COL11A2: variants seen among roughly 807,000 people sequenced by gnomAD.
COL11A2 encodes collagen type XI alpha 2 chain, also known as collagen alpha-2(XI) chain.
Under a neutral mutation model 273.4 loss-of-function variants are expected in COL11A2, and 116 were observed. The ratio of observed to expected loss-of-function variants is 0.42; its 90% CI spans 0.36 to 0.49. The LOEUF (loss-of-function observed/expected upper bound fraction) is 0.49, where lower values mean the gene tolerates loss of function less well. COL11A2 is among the 20% of genes least tolerant of loss of function. COL11A2 has a pLI of 0.00. For missense variants in COL11A2, 1,866 were observed against 2,309.0 expected, an observed-to-expected ratio of 0.81 and a Z score of 3.93; for synonymous variants, 782 against 864.2, an observed-to-expected ratio of 0.90 and a Z score of 1.67.
chr6:33,168,662 T>C (rs374826987), intron 53 of COL11A2, 44 bp downstream of exon 53: 4 of 1,593,336 alleles, frequency 2.5e-6, no homozygotes, highest in African/African-American at 2.7e-5. Context: ...GTAAAGAGGA[T>C]GAGGCTTGGG....
intron 7 of COL11A2, 48 bp from the exon 8 acceptor site, chr6:33,184,372 G>A (rs1036628711): frequency 2.2e-5 from 28 of 1,295,282 alleles, no homozygotes; most frequent in Non-Finnish European, 2.9e-5. Context: ...TGTTAGGGCT[G>A]AGAGGAGGCT....
Position 33,178,513 on chromosome 6 carries a change from A to G in COL11A2, c.1720-25T>C. 1 of 1,612,796 alleles carries G rather than the reference A, an allele frequency of 6.2e-7. No homozygotes were observed. The highest frequency in any genetic ancestry group is 8.5e-7 in the Non-Finnish European group (1 of 1,179,884). On this transcript the variant is annotated intron_variant, in intron 18 of 65. Coordinates refer to ENST00000341947, the MANE Select transcript of COL11A2 (RefSeq NM_080680.3). This position sits in a 1 kb window ranked among gnomAD's most constrained non-coding sequence, Gnocchi z 4.6. Reference sequence around the variant, plus strand: ...CCTGCAAAATGGGGGAACTCATAAGAGGGGCTTCAGAGCCCCCAACACAGG... The same window carrying G: ...CCTGCAAAATGGGGGAACTCATAAGGGGGGCTTCAGAGCCCCCAACACAGG...
Position 33,166,396 on chromosome 6 carries a change from G to C in COL11A2, c.4392+117C>G. The C allele has an allele frequency of 7.4e-7, 1 of 1,346,750 alleles. No individual in the cohort carries two copies. The highest frequency in any genetic ancestry group is 1.0e-6 in the Non-Finnish European group (1 of 969,632). The allele number at this position is 1,346,750 out of a possible 1,614,324, so 83.4% of individuals were successfully genotyped here. A position where few individuals can be genotyped will look rare whatever the true frequency, so the allele number is the denominator to read the frequency against. On this transcript the variant is annotated intron_variant, in intron 60 of 65. Transcript: ENST00000341947. This position sits in a 1 kb window ranked among gnomAD's most constrained non-coding sequence, Gnocchi z 4.8. ...GGTACTGGTGGTGACAGGACAAATG[G>C]GGGACCCTGAGGACTATGCTTGTTA...
In COL11A2 at chr6:33,179,662, C is replaced by A; in HGVS notation, c.1446+57G>T. The stretch of plus-strand genomic sequence containing the variant: ...CTCCCCTGCCGCACACTCACTCCAG[C>A]CAACCCTTCCAGTGCCCCCCAGAGC... On this transcript the variant is annotated intron_variant, in intron 13 of 65. Transcript: ENST00000341947. The surrounding 1 kb of genome is among the most constrained non-coding windows in gnomAD (Gnocchi z 6.4). 6.3e-7 allele frequency: 1 copy of A among 1,595,756 alleles called. No individual in the cohort carries two copies. The highest frequency in any genetic ancestry group is 8.6e-7 in the Non-Finnish European group (1 of 1,169,544).
intron 1 of COL11A2, among the ~76,000 whole-genome samples, 193 bp downstream of exon 1, chr6:33,191,966 C>G (rs1773167064): frequency 6.6e-6 from 1 of 152,228 alleles, no homozygotes; most frequent in Non-Finnish European, 1.5e-5. Context: ...CCCCCAGTCA[C>G]TTCAAGGACA....
chr6:33,168,092 G>A lies in COL11A2; in HGVS notation c.3961-240C>T, dbSNP rs572101364. ...TTGCCCACACCCTACCTGGTGGCCC[G>A]TCTCCTGCCCCAGAAACTAAAAAGG... On this transcript the variant is annotated intron_variant, in intron 54 of 65. Transcript: ENST00000341947. 3.3e-5 allele frequency among the ~76,000 whole-genome samples: 5 copies of A among 152,140 alleles called. No homozygotes were observed. In the East Asian group the frequency reaches 9.6e-4, roughly 29 times the overall value.
In COL11A2 at chr6:33,188,440, G is replaced by T. The variant is rs1307045780; in HGVS notation, c.528C>A (p.Pro176=). ...DCKKRVTRPL[P]RSARPVLDTH... ...TGTCCAATACTGGACGAGCACTTCG[G>T]GGGAGAGGCCGGGTGACTCGCTTCT... The change falls in exon 4 of 66, where the codon CCC becomes CCA. Residue 176 remains proline (P), a synonymous_variant. Transcript: ENST00000341947. 1.2e-6 allele frequency: 2 copies of T among 1,612,912 alleles called. No individual in the cohort carries two copies. Among genetic ancestry groups the T allele is most frequent in the African/African-American group, 2.7e-5 (2 of 74,896 alleles).
At position 33,176,202 on chromosome 6, in the gene COL11A2, G is replaced by T; in HGVS notation, c.2214+57C>A. Reference sequence around the variant, plus strand: ...TGCGGGGCAGGCTGGAGGGAAGGCAGTGAAGAGAGGAGATGGCAGGACTGA... The same window carrying T: ...TGCGGGGCAGGCTGGAGGGAAGGCATTGAAGAGAGGAGATGGCAGGACTGA... On this transcript the variant is annotated intron_variant, in intron 28 of 65. Transcript: ENST00000341947. The surrounding 1 kb of genome is among the most constrained non-coding windows in gnomAD (Gnocchi z 4.9). The T allele has an allele frequency of 6.2e-7, 1 of 1,606,412 alleles. No individual in the cohort carries two copies. Among genetic ancestry groups the T allele is most frequent in the Non-Finnish European group, 8.5e-7 (1 of 1,174,922 alleles).
Position 33,170,694 on chromosome 6 carries a change from C to A in COL11A2, c.3475-84G>T, listed in dbSNP as rs757260635. ...GGCAGATAGGCCCCACAGTCCCCTC[C>A]CCTCAGACTCCGCAGGCCCTCCAGT... On this transcript the variant is annotated intron_variant, in intron 46 of 65. Transcript: ENST00000341947. This position sits in a 1 kb window ranked among gnomAD's most constrained non-coding sequence, Gnocchi z 4.3. The A allele has an allele frequency of 6.3e-7, 1 of 1,577,240 alleles. No individual in the cohort carries two copies. Among genetic ancestry groups the A allele is most frequent in the Non-Finnish European group, 8.7e-7 (1 of 1,154,878 alleles).
chr6:33,192,081 G>C (rs1773185656), intron 1 of COL11A2, 78 bp downstream of exon 1: 4 of 1,329,608 alleles, frequency 3.0e-6, no homozygotes, highest in Non-Finnish European at 4.2e-6. Context: ...GCTGCCCCAG[G>C]CATCAGCTGG....
intron 8 of COL11A2, 96 bp downstream of exon 8, chr6:33,184,049 G>T: frequency 9.1e-7 from 1 of 1,099,548 alleles, no homozygotes; most frequent in Non-Finnish European, 1.3e-6. Context: ...ATGGGAAATA[G>T]CTCACAGCCA....
In COL11A2 at chr6:33,189,428, A is replaced by G; in HGVS notation, c.124T>C (p.Ser42Pro). The G allele has an allele frequency of 6.2e-7, 1 of 1,613,086 alleles. No homozygotes were observed. The highest frequency in any genetic ancestry group is 8.5e-7 in the Non-Finnish European group (1 of 1,180,014). Residue 42 changes from serine (S) to proline (P), a missense_variant, in exon 2 of 66, where the codon TCC becomes CCC. Coordinates refer to ENST00000341947, the MANE Select transcript of COL11A2 (RefSeq NM_080680.3). This position sits in a 1 kb window ranked among gnomAD's most constrained non-coding sequence, Gnocchi z 5.6. ...GCTCTCCGGACACCATCAGGGAGGGAGGGGAACCTCAGGGCCCGGAGCACA... is the reference window on the plus strand; with the variant it reads ...GCTCTCCGGACACCATCAGGGAGGGGGGGGAACCTCAGGGCCCGGAGCACA... ...VDVLRALRFP[S>P]LPDGVRRAKG...
At chr6:33,171,013 GC>G (rs1769968028) in intron 45 of COL11A2, 96 bp from the exon 46 acceptor site, 3 of 1,577,738 alleles carry the variant, frequency 1.9e-6, no homozygotes. Context: ...TGGGTGCCAG[GC>G]CCAGAGCCCC....
chr6:33,178,381 T>C lies in COL11A2; in HGVS notation c.1774-29A>G. On this transcript the variant is annotated intron_variant, in intron 19 of 65. Coordinates refer to ENST00000341947, the MANE Select transcript of COL11A2 (RefSeq NM_080680.3). This position sits in a 1 kb window ranked among gnomAD's most constrained non-coding sequence, Gnocchi z 4.6. ...GAGGAGGAGGACACGGTAAAGCTGC[T>C]GTGCCTTCTAGACCTCCCCTGCACC... is the stretch of plus-strand genomic sequence containing the variant. The C allele has an allele frequency of 6.2e-7, 1 of 1,612,844 alleles. No individual in the cohort carries two copies. Among genetic ancestry groups the C allele is most frequent in the Middle Eastern group, 1.6e-4 (1 of 6,062 alleles).
Position 33,177,256 on chromosome 6 carries a change from C to T in COL11A2, c.1972-31G>A, listed in dbSNP as rs777111691. On this transcript the variant is annotated intron_variant, in intron 23 of 65. Transcript: ENST00000341947. This position sits in a 1 kb window ranked among gnomAD's most constrained non-coding sequence, Gnocchi z 5.9. ...TACAGGGAAAGAGAAGTCACAGGGG[C>T]CTCCCAGGGTCTCTTCTATCCAGCC... The T allele has an allele frequency of 7.4e-6, 12 of 1,612,702 alleles. No homozygotes were observed. The highest frequency in any genetic ancestry group is 8.5e-7 in the Non-Finnish European group (1 of 1,179,882).
At position 33,176,173 on chromosome 6, in the gene COL11A2, G is replaced by C; in HGVS notation, c.2214+86C>G. The C allele has an allele frequency of 6.2e-7, 1 of 1,600,990 alleles. No individual in the cohort carries two copies. Among genetic ancestry groups the C allele is most frequent in the Non-Finnish European group, 8.6e-7 (1 of 1,169,220 alleles). On this transcript the variant is annotated intron_variant, in intron 28 of 65. Transcript: ENST00000341947. The surrounding 1 kb of genome is among the most constrained non-coding windows in gnomAD (Gnocchi z 4.9). ...GAAGCAGGGGCTCGGGAGCTGGACG[G>C]CAGTGCGGGGCAGGCTGGAGGGAAG...
Position 33,190,371 on chromosome 6 carries a change from G to A in COL11A2, c.83-902C>T, listed in dbSNP as rs955400073. On this transcript the variant is annotated intron_variant, in intron 1 of 65. Coordinates refer to ENST00000341947, the MANE Select transcript of COL11A2 (RefSeq NM_080680.3). The surrounding 1 kb of genome is among the most constrained non-coding windows in gnomAD (Gnocchi z 4.5). ...ACCACCCCCACCAACCCCACCACCT[G>A]GGACCCAAAGATTCAAGATCCAGCC... Among the ~76,000 whole-genome samples the A allele has an allele frequency of 3.3e-5, 5 of 152,034 alleles. No individual in the cohort carries two copies. The highest frequency in any genetic ancestry group is 4.8e-5 in the African/African-American group (2 of 41,372).
In COL11A2 at chr6:33,169,754, A is replaced by G; in HGVS notation, c.3690+77T>C. On this transcript the variant is annotated intron_variant, in intron 50 of 65. Transcript: ENST00000341947. This position sits in a 1 kb window ranked among gnomAD's most constrained non-coding sequence, Gnocchi z 5.5. ...GCTGCAGAGGAGTTCCAGCTCAAGGAGGTCACAGGAAAAGTGGAGGCAGGG... is the reference window on the plus strand; with the variant it reads ...GCTGCAGAGGAGTTCCAGCTCAAGGGGGTCACAGGAAAAGTGGAGGCAGGG... The G allele has an allele frequency of 6.4e-7, 1 of 1,552,202 alleles. No individual in the cohort carries two copies. The highest frequency in any genetic ancestry group is 1.7e-5 in the Admixed American group (1 of 59,930).
intron 8 of COL11A2, among the ~76,000 whole-genome samples, chr6:33,182,398 G>A (rs1291822034): frequency 2.0e-5 from 3 of 152,014 alleles, no homozygotes; most frequent in African/African-American, 7.2e-5. Flanking sequence ...ATGCCCCAAA[G>A]GTTAAGCATC....
Sources: gnomAD v4.1 joint callset for allele counts (sites outside exome capture counted in the v4.1 genomes callset) on GRCh38, gnomAD v4.1.1 for gene constraint, Gnocchi (gnomAD v3.1) non-coding constraint, MANE v1.5 for transcripts, NCBI Gene and HGNC (gene_info 2026-07-23, HGNC 2026-07-21) for gene names.